Variants in GRSF1 observed in about 807,000 individuals in gnomAD.
The protein encoded by GRSF1 is G-rich sequence factor 1.
GRSF1 carries 50 observed loss-of-function variants against 51.1 expected under a neutral mutation model. The ratio of observed to expected loss-of-function variants is 0.98; its 90% confidence interval spans 0.78 to 1.24. The LOEUF (loss-of-function observed/expected upper bound fraction) is 1.24. Ranked by LOEUF, GRSF1 falls within the 50% of genes most tolerant of loss-of-function variation. GRSF1 has a pLI of 0.00. For synonymous variants in GRSF1, 293 were observed against 253.3 expected, an observed-to-expected ratio of 1.16 and a Z score of -1.49; for missense variants, 700 against 639.7, an observed-to-expected ratio of 1.09 and a Z score of -1.02.
At position 70,835,424 on chromosome 4, in the gene GRSF1, G is replaced by A. The variant is rs188599087; in HGVS notation, c.514+734C>T. 2.6e-3 allele frequency among the ~76,000 whole-genome samples: 353 copies of A among 136,294 alleles called. 2 individuals carry two copies. The highest frequency in any genetic ancestry group is 8.6e-3 in the African/African-American group (322 of 37,348). The allele number at this position is 136,294 out of a possible 152,430, so 89.4% of individuals were successfully genotyped here. A position where few individuals can be genotyped will look rare whatever the true frequency, so the allele number is the denominator to read the frequency against. ...CAGCCTGGCGACAGAGCGAGACTCC[G>A]TCTCAAAAAAAAAAAAACCTACATA... On this transcript the variant is annotated intron_variant, in intron 2 of 9. Coordinates refer to ENST00000254799, the MANE Select transcript of GRSF1 (RefSeq NM_002092.4).
intron 5 of GRSF1, among the ~76,000 whole-genome samples, chr4:70,828,902 T>C (rs1005100120): frequency 2.0e-5 from 3 of 151,688 alleles, no homozygotes; most frequent in Admixed American, 6.6e-5. Context: ...CACGCCCAGC[T>C]GATTTTTTGT....
intron 5 of GRSF1, 130 bp downstream of exon 5, chr4:70,831,409 A>G: frequency 2.8e-6 from 2 of 719,890 alleles, no homozygotes; most frequent in Admixed American, 3.5e-5. Flanking sequence ...AATTATGGGC[A>G]TTTGATGGCT....
intron 5 of GRSF1, among the ~76,000 whole-genome samples, chr4:70,828,352 C>G (rs1187374154): frequency 6.6e-6 from 1 of 152,112 alleles, no homozygotes; most frequent in African/African-American, 2.4e-5. Flanking sequence ...AAAAATTAAT[C>G]TCATAAGGGT....
intron 5 of GRSF1, among the ~76,000 whole-genome samples, chr4:70,829,932 C>T (rs1733892860): frequency 6.6e-6 from 1 of 151,972 alleles, no homozygotes; most frequent in Non-Finnish European, 1.5e-5. Context: ...AAAAAATTAA[C>T]GAAACAGTGA....
chr4:70,839,050 G>A (rs958896082), intron 1 of GRSF1: 9 of 1,061,482 alleles, frequency 8.5e-6, no homozygotes, highest in African/African-American at 6.7e-5. Flanking sequence ...GGGCCGCCCA[G>A]GCCTAGCGCT....
chr4:70,840,200 G>C (rs1002834648), upstream of GRSF1, among the ~76,000 whole-genome samples: 9 of 147,226 alleles, frequency 6.1e-5, no homozygotes, highest in Admixed American at 1.4e-4. Context: ...GCTGCCCATG[G>C]TTTGGGCGGG....
intron 4 of GRSF1, 98 bp downstream of exon 4, chr4:70,832,209 G>T: frequency 1.1e-6 from 1 of 880,340 alleles, no homozygotes; most frequent in East Asian, 2.5e-5. Context: ...TAATATAACT[G>T]CATGCCTTTG....
intron 1 of GRSF1, 111 bp downstream of exon 1, chr4:70,839,360 G>A: frequency 6.6e-7 from 1 of 1,505,534 alleles, no homozygotes; most frequent in Non-Finnish European, 8.9e-7. Flanking sequence ...CGAGTGTCGC[G>A]GATCCCCGGG....
At chr4:70,836,643 TAC>T (rs1734224613) in intron 1 of GRSF1, among the ~76,000 whole-genome samples, 1 of 152,158 alleles carries the variant, frequency 6.6e-6, no homozygotes, top group African/African-American at 2.4e-5. Context: ...TGATTGCCCC[TAC>T]ACACAGTGTT....
chr4:70,841,153 TG>T (rs1287247817), upstream of GRSF1, among the ~76,000 whole-genome samples: 1 of 151,958 alleles, frequency 6.6e-6, no homozygotes, highest in Non-Finnish European at 1.5e-5. Flanking sequence ...TAAAGCTGGG[TG>T]TGATGGCGTG....
chr4:70,838,788 C>G (rs1007460232), intron 1 of GRSF1: 2 of 184,224 alleles, frequency 1.1e-5, no homozygotes, highest in Non-Finnish European at 2.3e-5. Flanking sequence ...CCTCAACGCT[C>G]CCTCCCATTC....
In GRSF1 at chr4:70,839,179, T is replaced by G. The variant is rs747990014; in HGVS notation, c.357+292A>C. 5.8e-6 allele frequency: 8 copies of G among 1,371,872 alleles called. No homozygotes were observed. In the South Asian group the frequency reaches 9.8e-5, roughly 17 times the overall value. 85.0% of individuals were successfully genotyped at this position (1,371,872 alleles called of 1,614,324 possible). On this transcript the variant is annotated intron_variant, in intron 1 of 9. Transcript: ENST00000254799. ...GTCAGCAGCCTCACGAAACCTACCA[T>G]GGGCCAGGCGGGGAACAAGGCCTCA...
intron 5 of GRSF1, among the ~76,000 whole-genome samples, 160 bp downstream of exon 5, chr4:70,831,379 G>A (rs1461245334): frequency 2.0e-5 from 3 of 150,706 alleles, no homozygotes; most frequent in Non-Finnish European, 3.0e-5. Context: ...AGGAGCAGTC[G>A]AAAAAAAATT....
chr4:70,838,214 G>A (rs1734298261), intron 1 of GRSF1, among the ~76,000 whole-genome samples: 1 of 54,356 alleles, frequency 1.8e-5, no homozygotes, highest in African/African-American at 7.7e-5. Context: ...GCGAGACTCG[G>A]TCTCCAAAAA....
intron 6 of GRSF1, among the ~76,000 whole-genome samples, chr4:70,827,059 C>G (rs1467178642): frequency 6.6e-6 from 1 of 151,778 alleles, no homozygotes; most frequent in Non-Finnish European, 1.5e-5. Flanking sequence ...AAGCAGAGGC[C>G]GGCAGATCAC....
chr4:70,831,525 T>A lies in GRSF1; in HGVS notation c.950+14A>T. 3 of 1,609,698 alleles carry A rather than the reference T, an allele frequency of 1.9e-6. No individual in the cohort carries two copies. The highest frequency in any genetic ancestry group is 2.5e-6 in the Non-Finnish European group (3 of 1,177,456). The stretch of plus-strand genomic sequence containing the variant: ...GTGTAACACTTCTGCATCATTAGTA[T>A]CTGCTTTACTCACCGATTACCAATT... On this transcript the variant is annotated intron_variant, in intron 5 of 9. Transcript: ENST00000254799.
In GRSF1 at chr4:70,818,976, CACTT is replaced by C; in HGVS notation, c.*1907_*1910del. 1 of 152,238 alleles carries C rather than the reference CACTT, an allele frequency of 6.6e-6. No homozygotes were observed. Among genetic ancestry groups the C allele is most frequent in the South Asian group, 2.1e-4 (1 of 4,826 alleles). The allele number at this position is 152,238 out of a possible 1,614,324, so 9.4% of individuals were successfully genotyped here. ...CCATAACTACATCCACCTTAGCAAT[CACTT>C]ACGTACTAGCCTAGATCATGAACAA... On this transcript the variant is annotated 3_prime_UTR_variant, in exon 10 of 10. Coordinates refer to ENST00000254799, the MANE Select transcript of GRSF1 (RefSeq NM_002092.4).
At chr4:70,823,430 T>TA (rs1335241792) in intron 9 of GRSF1, among the ~76,000 whole-genome samples, 22 of 148,086 alleles carry the variant, frequency 1.5e-4, no homozygotes, top group East Asian at 5.9e-4. Flanking sequence ...AAATAAAATT[T>TA]AAAAAAAATG....
At position 70,827,861 on chromosome 4, in the gene GRSF1, TCTCA is replaced by T; in HGVS notation, c.1122_1125del (p.Ser374ArgfsTer4). On this transcript the variant is annotated frameshift_variant, in exon 6 of 10. Transcript: ENST00000254799. LOFTEE classifies it high-confidence loss of function. ...AGAGGCAGGACCTTACCTATTTCCT[TCTCA>T]CTTTCAAAAGCTGTCATGGGTTGAA... 1 of 1,608,500 alleles carries T rather than the reference TCTCA, an allele frequency of 6.2e-7. No homozygotes were observed. The highest frequency in any genetic ancestry group is 8.5e-7 in the Non-Finnish European group (1 of 1,176,142).
Sources: gnomAD v4.1 joint callset for allele counts (sites outside exome capture counted in the v4.1 genomes callset) on GRCh38, gnomAD v4.1.1 for gene constraint, MANE v1.5 for transcripts, NCBI Gene and HGNC (gene_info 2026-07-23, HGNC 2026-07-21) for gene names.